TMEM94: variants seen among roughly 807,000 people sequenced by gnomAD.
TMEM94 encodes the protein ER Mg2+ ATPase.
TMEM94 carries 81 observed loss-of-function variants against 158.6 expected under a neutral mutation model. The ratio of observed to expected loss-of-function variants is 0.51; its 90% CI spans 0.43 to 0.61. The LOEUF (loss-of-function observed/expected upper bound fraction) is 0.61, where lower values mean the gene tolerates loss of function less well. TMEM94 is among the 20% of genes least tolerant of loss of function. The probability of loss-of-function intolerance (pLI) is 0.00; values close to 1 mark genes in which losing one functional copy is unlikely to be tolerated. For synonymous variants in TMEM94, 751 were observed against 730.7 expected (o/e 1.03, Z -0.45); for missense variants, 1,435 against 1,762.0 (o/e 0.81, Z 3.32).
At chr17:75,467,016 C>T (rs561445245) in intron 1 of TMEM94, among the ~76,000 whole-genome samples, 2 of 149,450 alleles carry the variant, frequency 1.3e-5, no homozygotes, top group Non-Finnish European at 3.0e-5. Flanking sequence ...TTCTTGTCAC[C>T]CAGGCTGGAG....
At chr17:75,490,185 C>T (rs1007101139) in intron 9 of TMEM94, 49 bp from the exon 10 acceptor site, 2 of 1,605,578 alleles carry the variant, frequency 1.2e-6, no homozygotes, top group Admixed American at 1.7e-5. Context: ...CTTCCCTCCT[C>T]CCCAGGCCCG....
Position 75,487,808 on chromosome 17 carries a change from G to A in TMEM94, c.410-124G>A. 1 of 747,702 alleles carries A rather than the reference G, an allele frequency of 1.3e-6. No individual in the cohort carries two copies. The highest frequency in any genetic ancestry group is 1.7e-5 in the African/African-American group (1 of 57,436). The allele number at this position is 747,702 out of a possible 1,614,324, so 46.3% of individuals were successfully genotyped here. ...CAGGGAAGTGTTGGAACGAGTGGAG[G>A]GGTTTGACGCAGACCTCCTGGGAGA... On this transcript the variant is annotated intron_variant, in intron 5 of 31. Transcript: ENST00000314256. The surrounding 1 kb of genome is among the most constrained non-coding windows in gnomAD (Gnocchi z 4.6).
At position 75,492,485 on chromosome 17, in the gene TMEM94, G is replaced by GA; in HGVS notation, c.1609dup (p.Met537AsnfsTer14). On this transcript the variant is annotated frameshift_variant, in exon 15 of 32. Transcript: ENST00000314256. LOFTEE classifies it high-confidence loss of function. The surrounding 1 kb of genome is among the most constrained non-coding windows in gnomAD (Gnocchi z 4.4). ...CACATTTCCCCCAGACCCAGCCTGG[G>GA]ATGGAGAGCGACCCCTACGAAGCAG... 1 of 1,585,078 alleles carries GA rather than the reference G, an allele frequency of 6.3e-7. No individual in the cohort carries two copies. The highest frequency in any genetic ancestry group is 8.6e-7 in the Non-Finnish European group (1 of 1,161,962).
chr17:75,490,560 A>C (rs1461974295), intron 10 of TMEM94, 142 bp from the exon 11 acceptor site: 1 of 875,990 alleles, frequency 1.1e-6, no homozygotes, highest in African/African-American at 1.7e-5. Context: ...GGCTTCCACC[A>C]GGTGGGGAGT....
intron 2 of TMEM94, among the ~76,000 whole-genome samples, chr17:75,475,537 G>A (rs1339093454): frequency 2.0e-5 from 3 of 152,172 alleles, no homozygotes; most frequent in Non-Finnish European, 4.4e-5. Flanking sequence ...CCCATGCCTC[G>A]GCCCCTGCTT....
intron 2 of TMEM94, chr17:75,476,455 T>A: frequency 7.7e-7 from 1 of 1,307,086 alleles, no homozygotes; most frequent in African/African-American, 1.5e-5. Flanking sequence ...GGCTGCTGCC[T>A]CCTCCTCCCT....
chr17:75,473,927 C>T (rs1030330557), intron 2 of TMEM94, among the ~76,000 whole-genome samples: 2 of 151,854 alleles, frequency 1.3e-5, no homozygotes, highest in African/African-American at 4.8e-5. Flanking sequence ...CCAGCCTGGC[C>T]GACATGGTGA....
chr17:75,461,569 G>A (rs2078926910), intron 1 of TMEM94, among the ~76,000 whole-genome samples: 1 of 152,140 alleles, frequency 6.6e-6, no homozygotes, highest in African/African-American at 2.4e-5. Flanking sequence ...TAGCCACTCA[G>A]TTCCAATTTA....
rs2053049150 is a variant in TMEM94, at chr17:75,499,086, A to C, written c.3998+4A>C. Reference sequence around the variant, plus strand: ...TCGTGAAGCTACATGAGATTCGGTGAGCTGTCAGCAGGGCGCCTCCCTCTG... The same window carrying C: ...TCGTGAAGCTACATGAGATTCGGTGCGCTGTCAGCAGGGCGCCTCCCTCTG... On this transcript the variant is annotated splice_donor_region_variant and intron_variant, in intron 31 of 31. Coordinates refer to ENST00000314256, the MANE Select transcript of TMEM94 (RefSeq NM_014738.6). 1.9e-6 allele frequency: 3 copies of C among 1,578,396 alleles called. No individual in the cohort carries two copies. The highest frequency in any genetic ancestry group is 2.6e-6 in the Non-Finnish European group (3 of 1,160,844).
intron 2 of TMEM94, among the ~76,000 whole-genome samples, chr17:75,478,893 G>T (rs375929931): frequency 1.2e-4 from 18 of 152,308 alleles, no homozygotes; most frequent in African/African-American, 4.1e-4. Context: ...CTTAAGGCCA[G>T]GTTAGATTTT....
chr17:75,495,470 G>A lies in TMEM94; in HGVS notation c.2844+71G>A. The A allele has an allele frequency of 6.3e-7, 1 of 1,590,766 alleles. No homozygotes were observed. The highest frequency in any genetic ancestry group is 8.6e-7 in the Non-Finnish European group (1 of 1,159,848). On this transcript the variant is annotated intron_variant, in intron 21 of 31. Transcript: ENST00000314256. The surrounding 1 kb of genome is among the most constrained non-coding windows in gnomAD (Gnocchi z 5.6). ...AGCTGGTCCAGGGGAGAGGTAGAGAGGTGGTGGGCAGGCGGTGGAGGGGAG... is the reference window on the plus strand; with the variant it reads ...AGCTGGTCCAGGGGAGAGGTAGAGAAGTGGTGGGCAGGCGGTGGAGGGGAG...
intron 5 of TMEM94, among the ~76,000 whole-genome samples, chr17:75,486,871 G>A (rs2051668380): frequency 6.6e-6 from 1 of 152,208 alleles, no homozygotes; most frequent in Admixed American, 6.5e-5. Context: ...CCAAAAGGGA[G>A]GGGAGTGGCT....
At chr17:75,463,879 T>C (rs1343525131) in intron 1 of TMEM94, among the ~76,000 whole-genome samples, 1 of 152,222 alleles carries the variant, frequency 6.6e-6, no homozygotes, top group African/African-American at 2.4e-5. Context: ...GATAGAATCC[T>C]ACAGCTTGCT....
chr17:75,488,104 G>A lies in TMEM94; in HGVS notation c.582G>A (p.Gln194=), dbSNP rs2051781623. The change falls in exon 6 of 32, where the codon CAG becomes CAA. Residue 194 remains glutamine, a synonymous_variant. Coordinates refer to ENST00000314256, the MANE Select transcript of TMEM94 (RefSeq NM_014738.6). The stretch of plus-strand genomic sequence containing the variant: ...ACATCATAGCTTTGAGGCCTGGCCA[G>A]GAATCGTTTGCTTCTCTGAGGGGGA... ...EGDIIALRPG[Q]ESFASLRGIK... 1 of 1,614,220 alleles carries A rather than the reference G, an allele frequency of 6.2e-7. No homozygotes were observed. Among genetic ancestry groups the A allele is most frequent in the South Asian group, 1.1e-5 (1 of 91,088 alleles).
chr17:75,479,361 C>G (rs543408633), intron 2 of TMEM94, among the ~76,000 whole-genome samples: 15 of 151,988 alleles, frequency 9.9e-5, no homozygotes, highest in Non-Finnish European at 1.9e-4. Flanking sequence ...GCTCTGTTGC[C>G]GAAGCTGGAG....
In TMEM94 at chr17:75,471,940, T is replaced by G. The variant is rs1442859954; in HGVS notation, c.24+11T>G. On this transcript the variant is annotated intron_variant, in intron 2 of 31. Transcript: ENST00000314256. ...AAGGAGAAGCACCTGGTAGGCCATATCCTATTACCTTATAGGTATTGTCTG... is the reference window on the plus strand; with the variant it reads ...AAGGAGAAGCACCTGGTAGGCCATAGCCTATTACCTTATAGGTATTGTCTG... 1 of 1,613,320 alleles carries G rather than the reference T, an allele frequency of 6.2e-7. No homozygotes were observed. The highest frequency in any genetic ancestry group is 1.3e-5 in the African/African-American group (1 of 74,902).
Position 75,491,649 on chromosome 17 carries a change from T to C in TMEM94, c.1387-42T>C, listed in dbSNP as rs1483858492. 3 of 1,595,882 alleles carry C rather than the reference T, an allele frequency of 1.9e-6. No individual in the cohort carries two copies. In the South Asian group the frequency reaches 3.3e-5, roughly 18 times the overall value. The stretch of plus-strand genomic sequence containing the variant: ...AGAAGCATCCTGCCTCCCCAGGCCA[T>C]GGGAGCCACTGGTCCTAGCCTGTGC... On this transcript the variant is annotated intron_variant, in intron 13 of 31. Transcript: ENST00000314256. This position sits in a 1 kb window ranked among gnomAD's most constrained non-coding sequence, Gnocchi z 5.1.
intron 23 of TMEM94, 68 bp downstream of exon 23, chr17:75,496,142 GC>G: frequency 9.9e-6 from 15 of 1,512,448 alleles, no homozygotes; most frequent in Non-Finnish European, 1.4e-5. Context: ...AGATGGGCCT[GC>G]GTGGGGCTGG....
At chr17:75,482,524 A>ATATG (rs57220539) in intron 2 of TMEM94, among the ~76,000 whole-genome samples, 3,116 of 145,178 alleles carry the variant, frequency 0.021, 45 homozygotes, top group Admixed American at 0.042. Context: ...AAATATATAT[A>ATATG]TATGTATGTA....
Sources: gnomAD v4.1 joint callset for allele counts (sites outside exome capture counted in the v4.1 genomes callset) on GRCh38, gnomAD v4.1.1 for gene constraint, Gnocchi (gnomAD v3.1) non-coding constraint, MANE v1.5 for transcripts, NCBI Gene and HGNC (gene_info 2026-07-23, HGNC 2026-07-21) for gene names.